ANKS1A: variants seen among roughly 807,000 people sequenced by gnomAD.
The protein encoded by ANKS1A is ankyrin repeat and sterile alpha motif domain containing 1A, also known as ankyrin repeat and SAM domain-containing protein 1A.
ANKS1A carries 55 observed loss-of-function variants against 120.3 expected under a neutral mutation model. The ratio of observed to expected loss-of-function variants is 0.46; its 90% confidence interval spans 0.37 to 0.57. The LOEUF is 0.57. ANKS1A is among the 20% of genes least tolerant of loss of function. The probability of loss-of-function intolerance (pLI) is 0.00; values close to 1 mark genes in which losing one functional copy is unlikely to be tolerated. For missense variants in ANKS1A, 1,123 were observed against 1,480.3 expected (o/e 0.76, Z 3.96); for synonymous variants, 590 against 604.7 (o/e 0.98, Z 0.36).
intron 10 of ANKS1A, among the ~76,000 whole-genome samples, chr6:35,015,418 G>A (rs772174773): frequency 8.5e-5 from 13 of 152,276 alleles, no homozygotes; most frequent in South Asian, 2.1e-4. Context: ...AGAATCGCTT[G>A]AACCCAGGAG....
chr6:35,062,643 A>G (rs1776567905), intron 13 of ANKS1A, among the ~76,000 whole-genome samples: 1 of 152,122 alleles, frequency 6.6e-6, no homozygotes, highest in Non-Finnish European at 1.5e-5. Context: ...TCTCCCTGTG[A>G]TAGGGCCCTG....
intron 1 of ANKS1A, among the ~76,000 whole-genome samples, chr6:34,938,161 A>G (rs1490836989): frequency 6.6e-6 from 1 of 152,278 alleles, no homozygotes; most frequent in Non-Finnish European, 1.5e-5. Context: ...TTTAAAGCAC[A>G]TTATAAGCCA....
At chr6:34,898,388 T>C (rs1429154096) in intron 1 of ANKS1A, among the ~76,000 whole-genome samples, 2 of 152,134 alleles carry the variant, frequency 1.3e-5, no homozygotes, top group Non-Finnish European at 2.9e-5. Context: ...TATTGTATAT[T>C]GAGTCCCTAG....
chr6:34,940,469 A>G (rs1769468875), intron 1 of ANKS1A, among the ~76,000 whole-genome samples: 1 of 152,198 alleles, frequency 6.6e-6, no homozygotes, highest in South Asian at 2.1e-4. Flanking sequence ...AAAAACAGAA[A>G]TGAGAGATGA....
At chr6:34,920,083 T>G (rs1004848502) in intron 1 of ANKS1A, among the ~76,000 whole-genome samples, 3 of 152,148 alleles carry the variant, frequency 2.0e-5, no homozygotes, top group Admixed American at 2.0e-4. Context: ...TTAGTTTTTG[T>G]TTTTTAAGAG....
At chr6:34,946,670 G>A (rs1201826557) in intron 1 of ANKS1A, among the ~76,000 whole-genome samples, 1 of 151,932 alleles carries the variant, frequency 6.6e-6, no homozygotes, top group Non-Finnish European at 1.5e-5. Context: ...TTGGAAGTGG[G>A]GTTTTCGTTC....
Position 34,983,434 on chromosome 6 carries a change from A to C in ANKS1A, c.1012+9A>C. ...ATCACAGAAGTCTCAGGGTAAGGTA[A>C]CTCTCCCCTATGAGTAAAGGGGTGC... is the stretch of plus-strand genomic sequence containing the variant. On this transcript the variant is annotated intron_variant, in intron 7 of 23. Coordinates refer to ENST00000360359, the MANE Select transcript of ANKS1A (RefSeq NM_015245.3). 3.1e-6 allele frequency: 5 copies of C among 1,605,212 alleles called. No homozygotes were observed. The highest frequency in any genetic ancestry group is 3.4e-6 in the Non-Finnish European group (4 of 1,174,640).
rs1014113515 is a variant in ANKS1A, at chr6:35,089,155, T to A, written c.*546T>A. The A allele has an allele frequency of 1.0e-6, 1 of 1,004,476 alleles. No homozygotes were observed. Among genetic ancestry groups the A allele is most frequent in the Admixed American group, 5.2e-5 (1 of 19,380 alleles). 62.2% of individuals were successfully genotyped at this position (1,004,476 alleles called of 1,614,324 possible). ...CGTCTGCTTTTCAAACCCAACCATA[T>A]CAGCTGCTGCTCTTTATGAACTGCC... On this transcript the variant is annotated 3_prime_UTR_variant, in exon 24 of 24. Transcript: ENST00000360359.
chr6:35,059,449 C>T lies in ANKS1A; in HGVS notation c.2078-698C>T, dbSNP rs539287725. Among the ~76,000 whole-genome samples, 25 of 152,346 alleles carry T rather than the reference C, an allele frequency of 1.6e-4. 1 individual carries two copies. Among genetic ancestry groups the T allele is most frequent in the Non-Finnish European group, 2.5e-4 (17 of 68,030 alleles). On this transcript the variant is annotated intron_variant, in intron 12 of 23. Transcript: ENST00000360359. ...GCCGGTGGCCATGGTTTGCTTATTC[C>T]GGGACTGCTGGGGGAAAACAAGTAA...
intron 3 of ANKS1A, among the ~76,000 whole-genome samples, chr6:34,970,768 T>C (rs1017572692): frequency 6.6e-6 from 1 of 151,988 alleles, no homozygotes; most frequent in Non-Finnish European, 1.5e-5. Context: ...GCAGGAGAAT[T>C]GCTTGAGGCC....
chr6:35,042,033 TG>T (rs1016936163), intron 11 of ANKS1A, among the ~76,000 whole-genome samples: 1 of 152,070 alleles, frequency 6.6e-6, no homozygotes, highest in East Asian at 1.9e-4. Flanking sequence ...AGCAGAGAAA[TG>T]GGGGGAAGTG....
At position 34,970,260 on chromosome 6, in the gene ANKS1A, G is replaced by C. The variant is rs1771113791; in HGVS notation, c.435+94G>C. On this transcript the variant is annotated intron_variant, in intron 3 of 23. Transcript: ENST00000360359. Reference sequence around the variant, plus strand: ...TTAGCCCCATAGTTCAAATCTCAGAGAACCAGCTCTTCCTTTTCTTTCTTT... The same window carrying C: ...TTAGCCCCATAGTTCAAATCTCAGACAACCAGCTCTTCCTTTTCTTTCTTT... 3.7e-6 allele frequency: 5 copies of C among 1,363,948 alleles called. No homozygotes were observed. In the South Asian group the frequency reaches 7.5e-5, roughly 20 times the overall value. The allele number at this position is 1,363,948 out of a possible 1,614,324, so 84.5% of individuals were successfully genotyped here. A position where few individuals can be genotyped will look rare whatever the true frequency, so the allele number is the denominator to read the frequency against.
At chr6:35,035,493 G>C (rs1467605965) in intron 11 of ANKS1A, among the ~76,000 whole-genome samples, 1 of 152,130 alleles carries the variant, frequency 6.6e-6, no homozygotes. Flanking sequence ...ATTGGTGTTG[G>C]CTTGGCAGGA....
chr6:34,945,447 GA>G, intron 1 of ANKS1A, among the ~76,000 whole-genome samples: 1 of 152,200 alleles, frequency 6.6e-6, no homozygotes, highest in Middle Eastern at 3.4e-3. Context: ...TTTTGCATGT[GA>G]TTTCCAGTTG....
intron 11 of ANKS1A, among the ~76,000 whole-genome samples, chr6:35,042,741 G>A (rs997409843): frequency 6.6e-6 from 1 of 152,206 alleles, no homozygotes; most frequent in Non-Finnish European, 1.5e-5. Context: ...CTGTGTCATC[G>A]CATCCTCCCC....
rs932445349 is a variant in ANKS1A at position 35,089,927 on chromosome 6, G to C, written c.*1318G>C. On this transcript the variant is annotated 3_prime_UTR_variant, in exon 24 of 24. Coordinates refer to ENST00000360359, the MANE Select transcript of ANKS1A (RefSeq NM_015245.3). Reference sequence around the variant, plus strand: ...CCCAGGATGAATAATCCAGGCTTCAGCAACACTCCTCTTTCCCAGCCAGCA... The same window carrying C: ...CCCAGGATGAATAATCCAGGCTTCACCAACACTCCTCTTTCCCAGCCAGCA... 31 of 1,161,830 alleles carry C rather than the reference G, an allele frequency of 2.7e-5. No individual in the cohort carries two copies. The highest frequency in any genetic ancestry group is 3.3e-5 in the Non-Finnish European group (31 of 927,926). The allele number at this position is 1,161,830 out of a possible 1,614,324, so 72.0% of individuals were successfully genotyped here. A position where few individuals can be genotyped will look rare whatever the true frequency, so the allele number is the denominator to read the frequency against.
rs201954793 is a variant in ANKS1A, at chr6:35,018,038, C to T, written c.1989C>T (p.Ser663=). The T allele has an allele frequency of 6.8e-6, 11 of 1,613,760 alleles. No individual in the cohort carries two copies. Among genetic ancestry groups the T allele is most frequent in the Admixed American group, 1.7e-5 (1 of 60,024 alleles). Residue 663 remains serine, a synonymous_variant, in exon 11 of 24, where the codon TCC becomes TCT. Coordinates refer to ENST00000360359, the MANE Select transcript of ANKS1A (RefSeq NM_015245.3). Reference sequence around the variant, plus strand: ...AGAAAAGGCTAGAGAAGTCACCCTCCTTCGCCTCGGAGTGGGATGAGGTAA... The same window carrying T: ...AGAAAAGGCTAGAGAAGTCACCCTCTTTCGCCTCGGAGTGGGATGAGGTAA... ...IGKKRLEKSP[S]FASEWDEIEK...
At chr6:34,986,148 T>G (rs942201159) in intron 8 of ANKS1A, among the ~76,000 whole-genome samples, 6 of 152,256 alleles carry the variant, frequency 3.9e-5, no homozygotes, top group Non-Finnish European at 2.9e-5. Context: ...TATTGAATAC[T>G]GCACTGAAAG....
intron 11 of ANKS1A, among the ~76,000 whole-genome samples, chr6:35,042,593 G>A (rs1394641408): frequency 6.6e-6 from 1 of 152,184 alleles, no homozygotes; most frequent in East Asian, 1.9e-4. Flanking sequence ...GTGTGAGCAG[G>A]TTTGCATCAG....
Sources: allele counts gnomAD v4.1 joint callset (sites outside exome capture counted in the v4.1 genomes callset), GRCh38; gene constraint gnomAD v4.1.1; transcripts MANE v1.5; gene names NCBI Gene and HGNC (gene_info 2026-07-23, HGNC 2026-07-21).